Variants in DCAF10 observed in about 807,000 individuals in gnomAD.
DCAF10 encodes DDB1 and CUL4 associated factor 10, also known as DDB1- and CUL4-associated factor 10.
Under a neutral mutation model 51.9 loss-of-function variants are expected in DCAF10, and 19 were observed. That is an observed-to-expected ratio of 0.37 (90% confidence interval 0.26 to 0.54). The LOEUF is 0.54. DCAF10 is among the 20% of genes least tolerant of loss of function. DCAF10 has a pLI of 0.87. For synonymous variants in DCAF10, 291 were observed against 297.1 expected (o/e 0.98, Z 0.21); for missense variants, 510 against 730.6 (o/e 0.70, Z 3.48).
At position 37,863,029 on chromosome 9, in the gene DCAF10, T is replaced by C. The variant is rs1282649973; in HGVS notation, c.*1521T>C. 2.0e-5 allele frequency: 3 copies of C among 152,164 alleles called. No individual in the cohort carries two copies. Among genetic ancestry groups the C allele is most frequent in the African/African-American group, 7.2e-5 (3 of 41,424 alleles). The allele number at this position is 152,164 out of a possible 1,614,324, so 9.4% of individuals were successfully genotyped here. A position where few individuals can be genotyped will look rare whatever the true frequency, so the allele number is the denominator to read the frequency against. On this transcript the variant is annotated 3_prime_UTR_variant, in exon 7 of 7. Transcript: ENST00000377724. ...TGAAAAACACAACCTTAATCAGCAG[T>C]AAATTCTTCTCTACTCGGCCAGGCG... is the stretch of plus-strand genomic sequence containing the variant.
intron 3 of DCAF10, among the ~76,000 whole-genome samples, chr9:37,849,783 G>A (rs1414298860): frequency 2.0e-5 from 3 of 152,300 alleles, no homozygotes; most frequent in Non-Finnish European, 2.9e-5. Context: ...AGGAGGCTGA[G>A]GAAGGAGAAT....
intron 1 of DCAF10, among the ~76,000 whole-genome samples, chr9:37,810,905 G>T (rs1402108021): frequency 6.6e-6 from 1 of 152,070 alleles, no homozygotes; most frequent in Non-Finnish European, 1.5e-5. Flanking sequence ...ATCCAGAATC[G>T]ACAGTACTCA....
chr9:37,841,974 T>C lies in DCAF10; in HGVS notation c.654-115T>C. 3.4e-6 allele frequency: 3 copies of C among 882,170 alleles called. No individual in the cohort carries two copies. In the South Asian group the frequency reaches 5.5e-5, roughly 16 times the overall value. The allele number at this position is 882,170 out of a possible 1,614,324, so 54.6% of individuals were successfully genotyped here. Reference sequence around the variant, plus strand: ...AGTCATTGGGTTTACATAGTGAGTGTGTAGTCCTTTTTTTCTTTCTTTCTT... The same window carrying C: ...AGTCATTGGGTTTACATAGTGAGTGCGTAGTCCTTTTTTTCTTTCTTTCTT... On this transcript the variant is annotated intron_variant, in intron 2 of 6. Coordinates refer to ENST00000377724, the MANE Select transcript of DCAF10 (RefSeq NM_024345.5).
At chr9:37,847,146 A>G (rs28786781) in intron 3 of DCAF10, among the ~76,000 whole-genome samples, 28,819 of 150,946 alleles carry the variant, frequency 0.19, 3,123 homozygotes, top group African/African-American at 0.29. Context: ...TCAGCTACTC[A>G]GGAGGCTGAG....
In DCAF10 at chr9:37,857,351, G is replaced by A; in HGVS notation, c.1165G>A (p.Gly389Arg). The A allele has an allele frequency of 6.3e-7, 1 of 1,592,892 alleles. No homozygotes were observed. Among genetic ancestry groups the A allele is most frequent in the Non-Finnish European group, 8.5e-7 (1 of 1,172,526 alleles). Residue 389 changes from glycine to arginine, a missense_variant and splice_region_variant, in exon 5 of 7, where the codon GGA becomes AGA. Around this residue, in one of 4 missense-constraint regions of DCAF10, gnomAD observed 29 missense variants for 24.9 expected, o/e 1.16. Coordinates refer to ENST00000377724, the MANE Select transcript of DCAF10 (RefSeq NM_024345.5). ...KHMSRASQREGVSPRNSLEVV... is the reference protein window; with the variant it reads ...KHMSRASQRERVSPRNSLEVV... ...CATGTCACGAGCCTCTCAAAGAGAA[G>A]GTAGGTTAAAAGTTGGATTTTATAA...
At chr9:37,824,156 C>T (rs920239557) in intron 2 of DCAF10, among the ~76,000 whole-genome samples, 3 of 152,136 alleles carry the variant, frequency 2.0e-5, no homozygotes, top group South Asian at 4.1e-4. Context: ...GCTGGGATTA[C>T]AGGCATCAGG....
intron 1 of DCAF10, among the ~76,000 whole-genome samples, chr9:37,814,123 TATATTTGTTGTTG>T (rs1331979905): frequency 1.2e-5 from 1 of 86,486 alleles, no homozygotes; most frequent in Non-Finnish European, 2.4e-5. Flanking sequence ...TATATATATA[TATATTTGTTGTTG>T]TTGTTGTTGT....
intron 3 of DCAF10, among the ~76,000 whole-genome samples, chr9:37,850,077 A>T (rs926946186): frequency 2.6e-5 from 4 of 152,146 alleles, no homozygotes; most frequent in African/African-American, 9.7e-5. Flanking sequence ...AAAATAGATA[A>T]AAGTGGGCCA....
Position 37,861,689 on chromosome 9 carries a change from C to A in DCAF10, c.*181C>A. The A allele has an allele frequency of 2.8e-6, 2 of 718,604 alleles. No individual in the cohort carries two copies. The highest frequency in any genetic ancestry group is 4.4e-6 in the Non-Finnish European group (2 of 455,664). 44.5% of individuals were successfully genotyped at this position (718,604 alleles called of 1,614,324 possible). ...TCATCCAGCATCATACAGGCATCTCCAAGTTAGACTCTATGCAGCATCATC... is the reference window on the plus strand; with the variant it reads ...TCATCCAGCATCATACAGGCATCTCAAAGTTAGACTCTATGCAGCATCATC... On this transcript the variant is annotated 3_prime_UTR_variant, in exon 7 of 7. Transcript: ENST00000377724. The surrounding 1 kb of genome is among the most constrained non-coding windows in gnomAD (Gnocchi z 4.9).
intron 1 of DCAF10, among the ~76,000 whole-genome samples, chr9:37,806,734 C>G (rs1408560484): frequency 6.6e-6 from 1 of 152,218 alleles, no homozygotes; most frequent in Non-Finnish European, 1.5e-5. Flanking sequence ...TTAGTTTTAT[C>G]ATTCTTGTTT....
intron 1 of DCAF10, among the ~76,000 whole-genome samples, chr9:37,809,718 G>A (rs763025965): frequency 2.8e-4 from 42 of 151,812 alleles, no homozygotes; most frequent in Non-Finnish European, 4.4e-4. Context: ...CTATAATCCC[G>A]GCTACTCCGG....
Position 37,861,234 on chromosome 9 carries a change from A to G in DCAF10, c.1406A>G (p.Asn469Ser), listed in dbSNP as rs753128985. 4 of 1,614,170 alleles carry G rather than the reference A, an allele frequency of 2.5e-6. No homozygotes were observed. Among genetic ancestry groups the G allele is most frequent in the East Asian group, 4.5e-5 (2 of 44,882 alleles). Residue 469 changes from asparagine (N) to serine (S), a missense_variant, in exon 7 of 7, where the codon AAT becomes AGT. This residue lies in a region of DCAF10 where 104 missense variants were observed against 206.2 expected (regional missense o/e 0.50). Transcript: ENST00000377724. The surrounding 1 kb of genome is among the most constrained non-coding windows in gnomAD (Gnocchi z 4.9). ...CTGACTCATTACATTGAAGAAGCCA[A>G]TGTAGGCAGGGGTTACATCAAAGAA... is the stretch of plus-strand genomic sequence containing the variant. ...LRLTHYIEEA[N>S]VGRGYIKELC...
chr9:37,807,025 G>A (rs571287949), intron 1 of DCAF10, among the ~76,000 whole-genome samples: 1 of 152,258 alleles, frequency 6.6e-6, no homozygotes, highest in South Asian at 2.1e-4. Flanking sequence ...AATTATTTTT[G>A]TGACTTAGTT....
intron 1 of DCAF10, among the ~76,000 whole-genome samples, chr9:37,805,275 A>C (rs2119013298): frequency 6.6e-6 from 1 of 152,248 alleles, no homozygotes; most frequent in African/African-American, 2.4e-5. Context: ...TGAGGTCAGG[A>C]GTGTGAGACC....
chr9:37,825,096 T>A (rs1282291542), intron 2 of DCAF10, among the ~76,000 whole-genome samples: 1 of 152,148 alleles, frequency 6.6e-6, no homozygotes, highest in Non-Finnish European at 1.5e-5. Flanking sequence ...AAAATACAGA[T>A]GCTGGTGAGG....
At chr9:37,839,078 C>T (rs890797107) in intron 2 of DCAF10, among the ~76,000 whole-genome samples, 8 of 148,536 alleles carry the variant, frequency 5.4e-5, no homozygotes, top group South Asian at 2.1e-4. Flanking sequence ...TTTTTTGAGA[C>T]GGAATCTTGC....
chr9:37,841,064 A>C (rs1297287315), intron 2 of DCAF10, among the ~76,000 whole-genome samples: 1 of 152,176 alleles, frequency 6.6e-6, no homozygotes. Context: ...CAACAACAAA[A>C]TCACCTAAGG....
At chr9:37,853,904 G>A (rs569102272) in intron 3 of DCAF10, among the ~76,000 whole-genome samples, 2 of 152,088 alleles carry the variant, frequency 1.3e-5, no homozygotes, top group African/African-American at 2.4e-5. Context: ...AAATATGCAC[G>A]TAAACTGACA....
intron 2 of DCAF10, among the ~76,000 whole-genome samples, chr9:37,837,145 T>C (rs775029283): frequency 7.9e-5 from 12 of 152,070 alleles, no homozygotes; most frequent in Non-Finnish European, 1.5e-4. Flanking sequence ...CAAAATTGCA[T>C]AGAAATAATG....
Sources: gnomAD v4.1 joint callset for allele counts (sites outside exome capture counted in the v4.1 genomes callset) on GRCh38, gnomAD v4.1.1 for gene constraint, gnomAD v4.1.1 regional missense constraint, Gnocchi (gnomAD v3.1) non-coding constraint, MANE v1.5 for transcripts, NCBI Gene and HGNC (gene_info 2026-07-23, HGNC 2026-07-21) for gene names.